The following GDA variants were observed in gnomAD, a reference collection of about 807,000 sequenced individuals.
GDA encodes the protein guanine deaminase.
GDA carries 18 observed loss-of-function variants against 59.6 expected under a neutral mutation model. The ratio of observed to expected loss-of-function variants is 0.30; its 90% CI spans 0.21 to 0.45. The LOEUF (loss-of-function observed/expected upper bound fraction) is 0.45. Among genes scored for constraint, GDA ranks in the 20% least tolerant of loss-of-function variants. The pLI is 1.00. For missense variants in GDA, 427 were observed against 552.3 expected (o/e 0.77, Z 2.27); for synonymous variants, 201 against 201.1 (o/e 1.00, Z 0.00).
intron 5 of GDA, among the ~76,000 whole-genome samples, chr9:72,217,709 A>C (rs891040159): frequency 1.3e-5 from 2 of 152,162 alleles, no homozygotes; most frequent in South Asian, 2.1e-4. Context: ...TTTTAAGTAC[A>C]TATGGCCTGC....
At chr9:72,256,779 G>A (rs907003748), downstream of GDA, among the ~76,000 whole-genome samples, 2 of 152,108 alleles carry the variant, frequency 1.3e-5, no homozygotes, top group African/African-American at 4.8e-5. Context: ...TTGTCCTGGG[G>A]CCCAAGAATT....
At position 72,202,551 on chromosome 9, in the gene GDA, AT is replaced by A. The variant is rs2131348061; in HGVS notation, c.213-18del. The A allele has an allele frequency of 6.7e-7, 1 of 1,484,542 alleles. No individual in the cohort carries two copies. Among genetic ancestry groups the A allele is most frequent in the East Asian group, 2.3e-5 (1 of 43,790 alleles). The allele number at this position is 1,484,542 out of a possible 1,614,324, so 92.0% of individuals were successfully genotyped here. A position where few individuals can be genotyped will look rare whatever the true frequency, so the allele number is the denominator to read the frequency against. On this transcript the variant is annotated intron_variant, in intron 2 of 13. Coordinates refer to ENST00000358399, the MANE Select transcript of GDA (RefSeq NM_004293.5). ...ACTGAAGATATTATTAAATACTTTT[AT>A]TCTCATCTTAATTTCCAGTGAGTTC... is the stretch of plus-strand genomic sequence containing the variant.
At chr9:72,208,928 A>G (rs565654524) in intron 3 of GDA, among the ~76,000 whole-genome samples, 111 of 152,224 alleles carry the variant, frequency 7.3e-4, no homozygotes, top group African/African-American at 2.4e-3. Flanking sequence ...ATAGAAACCT[A>G]TATAATAGAG....
chr9:72,131,764 G>T (rs560282732), intron 1 of GDA, among the ~76,000 whole-genome samples: 37 of 152,254 alleles, frequency 2.4e-4, no homozygotes, highest in African/African-American at 8.7e-4. Context: ...AATAACTAGG[G>T]TTAAGTCATA....
Position 72,133,302 on chromosome 9 carries a change from A to T in GDA, c.-100+18469A>T, listed in dbSNP as rs74795894. Among the ~76,000 whole-genome samples, 924 of 137,756 alleles carry T rather than the reference A, an allele frequency of 6.7e-3. 6 individuals carry two copies. Among genetic ancestry groups the T allele is most frequent in the South Asian group, 0.025 (104 of 4,218 alleles). 90.4% of individuals were successfully genotyped at this position (137,756 alleles called of 152,430 possible). A position where few individuals can be genotyped will look rare whatever the true frequency, so the allele number is the denominator to read the frequency against. On this transcript the variant is annotated intron_variant, in intron 1 of 13. Transcript: ENST00000545168. ...AGACTCTGTCTAAAAAAAAAAAAAA[A>T]AAAAAAAATAATAATAATAATAATA...
chr9:72,183,277 A>G (rs1404466310), intron 1 of GDA, among the ~76,000 whole-genome samples: 3 of 152,204 alleles, frequency 2.0e-5, no homozygotes, highest in African/African-American at 4.8e-5. Flanking sequence ...CAATCTCCTG[A>G]CCCTGGGGAC....
At chr9:72,214,067 AG>A in intron 5 of GDA, 76 bp downstream of exon 5, 1 of 825,142 alleles carries the variant, frequency 1.2e-6, no homozygotes, top group Non-Finnish European at 2.1e-6. Context: ...AGATGGAAAA[AG>A]GAAACAGGAT....
intron 1 of GDA, among the ~76,000 whole-genome samples, chr9:72,191,549 G>A (rs1175336546): frequency 6.7e-6 from 1 of 150,364 alleles, no homozygotes; most frequent in Non-Finnish European, 1.5e-5. Flanking sequence ...TTGGCTCACT[G>A]CAAGCTCCGC....
intron 1 of GDA, among the ~76,000 whole-genome samples, chr9:72,156,702 T>C (rs560972926): frequency 3.9e-5 from 6 of 152,336 alleles, no homozygotes; most frequent in African/African-American, 9.6e-5. Context: ...AGCCTGTGGA[T>C]ACATCATGGT....
In GDA at chr9:72,250,154, C is replaced by T. The variant is rs911488629; in HGVS notation, c.*1812C>T. On this transcript the variant is annotated 3_prime_UTR_variant, in exon 14 of 14. Coordinates refer to ENST00000358399, the MANE Select transcript of GDA (RefSeq NM_004293.5). ...CTACGGGGCTAGCAAAAATCTTCAG[C>T]TTTATCACTCAACCCCTGCCAAAGG... 1.0e-6 allele frequency: 1 copy of T among 984,768 alleles called. No homozygotes were observed. Among genetic ancestry groups the T allele is most frequent in the South Asian group, 4.7e-5 (1 of 21,282 alleles). 61.0% of individuals were successfully genotyped at this position (984,768 alleles called of 1,614,324 possible).
intron 1 of GDA, among the ~76,000 whole-genome samples, chr9:72,153,060 T>C (rs948995423): frequency 1.3e-5 from 2 of 152,230 alleles, no homozygotes; most frequent in African/African-American, 4.8e-5. Flanking sequence ...CCTTTCCCCA[T>C]TGCTTGTTTT....
In GDA at chr9:72,248,695, G is replaced by T; in HGVS notation, c.*353G>T. On this transcript the variant is annotated 3_prime_UTR_variant, in exon 14 of 14. Transcript: ENST00000358399. ...TGGAAAGAAAAGATGTTCCTAAAAG[G>T]TTAGATATTTTGAGCTAATAATTGC... 2.0e-6 allele frequency: 2 copies of T among 1,022,686 alleles called. No individual in the cohort carries two copies. The highest frequency in any genetic ancestry group is 2.3e-6 in the Non-Finnish European group (2 of 852,240). The allele number at this position is 1,022,686 out of a possible 1,614,324, so 63.4% of individuals were successfully genotyped here.
rs772089034 is a variant in GDA at position 72,231,167 on chromosome 9, T to C, written c.974T>C (p.Ile325Thr). 15 of 1,571,862 alleles carry C rather than the reference T, an allele frequency of 9.5e-6. No individual in the cohort carries two copies. Among genetic ancestry groups the C allele is most frequent in the Non-Finnish European group, 1.3e-5 (15 of 1,141,598 alleles). The change falls in exon 10 of 14, where the codon ATA becomes ACA. Residue 325 changes from isoleucine (I) to threonine (T), a missense_variant. Transcript: ENST00000358399. ...VLEVLKHEVK[I>T]GLGTDVAGGY... ...GAAGTCCTGAAACATGAAGTCAAGATAGGGCTGGGTACAGGTTAGTAGTTC... is the reference window on the plus strand; with the variant it reads ...GAAGTCCTGAAACATGAAGTCAAGACAGGGCTGGGTACAGGTTAGTAGTTC...
At chr9:72,180,976 G>T (rs1389959114) in intron 1 of GDA, among the ~76,000 whole-genome samples, 2 of 152,166 alleles carry the variant, frequency 1.3e-5, no homozygotes, top group Non-Finnish European at 2.9e-5. Flanking sequence ...TTCTTCTGTG[G>T]TTTTTTCCTT....
rs1840636740 is a variant in GDA at position 72,251,149 on chromosome 9, T to C, written c.*2807T>C. On this transcript the variant is annotated 3_prime_UTR_variant, in exon 14 of 14. Transcript: ENST00000358399. ...GCATTGAGCCCCCATTAAAACTCTT[T>C]TTTACTTCAGAAAGAATTTTACAGG... The C allele has an allele frequency of 4.5e-6, 1 of 221,420 alleles. No homozygotes were observed. Among genetic ancestry groups the C allele is most frequent in the African/African-American group, 2.3e-5 (1 of 43,188 alleles). 13.7% of individuals were successfully genotyped at this position (221,420 alleles called of 1,614,324 possible).
chr9:72,135,242 G>A (rs960732524), intron 1 of GDA, among the ~76,000 whole-genome samples: 1 of 150,320 alleles, frequency 6.7e-6, no homozygotes, highest in Non-Finnish European at 1.5e-5. Context: ...GTGTGTGTGT[G>A]TGCGTTTTCA....
chr9:72,125,053 G>A (rs1050931341), intron 1 of GDA, among the ~76,000 whole-genome samples: 1 of 152,234 alleles, frequency 6.6e-6, no homozygotes, highest in African/African-American at 2.4e-5. Context: ...TGATTTGGGA[G>A]AGAGGACTCA....
intron 5 of GDA, among the ~76,000 whole-genome samples, chr9:72,216,100 C>A (rs1836072836): frequency 6.6e-6 from 1 of 152,334 alleles, no homozygotes; most frequent in South Asian, 2.1e-4. Flanking sequence ...TGAACTGATC[C>A]TCCACGGCTC....
At chr9:72,197,199 C>T (rs1833302075) in intron 2 of GDA, among the ~76,000 whole-genome samples, 1 of 152,200 alleles carries the variant, frequency 6.6e-6, no homozygotes, top group African/African-American at 2.4e-5. Context: ...CTATGAAGCT[C>T]ATCCCTGGTC....
Sources: allele counts gnomAD v4.1 joint callset (sites outside exome capture counted in the v4.1 genomes callset), GRCh38; gene constraint gnomAD v4.1.1; transcripts MANE v1.5; gene names NCBI Gene and HGNC (gene_info 2026-07-23, HGNC 2026-07-21).